The following TASP1 variants were observed in gnomAD, a reference collection of about 807,000 sequenced individuals.
TASP1 encodes threonine aspartase 1.
In TASP1, 16 loss-of-function variants were observed where a neutral mutation model predicts 56.6. That is an observed-to-expected ratio of 0.28 (90% CI 0.19 to 0.43). The LOEUF is 0.43. TASP1 is among the 20% of genes least tolerant of loss of function. TASP1 has a pLI of 1.00. For synonymous variants in TASP1, 179 were observed against 184.2 expected (o/e 0.97, Z 0.23); for missense variants, 393 against 511.6 (o/e 0.77, Z 2.24).
In TASP1 at chr20:13,562,480, T is replaced by G. The variant is rs780153783; in HGVS notation, c.569-3366A>C. Among the ~76,000 whole-genome samples, 45 of 151,664 alleles carry G rather than the reference T, an allele frequency of 3.0e-4. 1 individual carries two copies. Among genetic ancestry groups the G allele is most frequent in the Non-Finnish European group, 4.7e-4 (32 of 67,844 alleles). On this transcript the variant is annotated intron_variant, in intron 7 of 13. Coordinates refer to ENST00000337743, the MANE Select transcript of TASP1 (RefSeq NM_017714.3). ...CCAAAAGTTAGTTCATGGAAAACATTAACAAAATTTAAATCTTTAGCTAGA... is the reference window on the plus strand; with the variant it reads ...CCAAAAGTTAGTTCATGGAAAACATGAACAAAATTTAAATCTTTAGCTAGA...
At chr20:13,324,971 ATTTG>A in the TASP1 span, among the ~76,000 whole-genome samples, 8 of 152,194 alleles carry the variant, frequency 5.3e-5, no homozygotes, top group Non-Finnish European at 7.3e-5. Flanking sequence ...AATAGAAAAT[ATTTG>A]TTTCTTTTCG....
chr20:13,154,905 G>A, the TASP1 span, among the ~76,000 whole-genome samples: 1 of 152,182 alleles, frequency 6.6e-6, no homozygotes. Context: ...AACTGGCAGG[G>A]CACAGTGGCT....
chr20:13,302,882 G>A, the TASP1 span, among the ~76,000 whole-genome samples: 3 of 152,080 alleles, frequency 2.0e-5, no homozygotes, highest in African/African-American at 7.2e-5. Context: ...CTTTCTCTTC[G>A]GACCCAGTTC....
At chr20:13,566,217 G>A (rs948902773) in intron 7 of TASP1, among the ~76,000 whole-genome samples, 5 of 152,120 alleles carry the variant, frequency 3.3e-5, no homozygotes, top group African/African-American at 4.8e-5. Context: ...TTGGTGTTAC[G>A]AGATGAAGAG....
At chr20:13,201,113 G>A in the TASP1 span, among the ~76,000 whole-genome samples, 1 of 152,220 alleles carries the variant, frequency 6.6e-6, no homozygotes, top group East Asian at 1.9e-4. Context: ...ATACTGCAAA[G>A]TGGGATTAGT....
the TASP1 span, among the ~76,000 whole-genome samples, chr20:13,116,779 T>C: frequency 1.3e-5 from 2 of 152,330 alleles, no homozygotes; most frequent in Admixed American, 1.3e-4. Flanking sequence ...CAGCATCTCC[T>C]GGGAGCTTGG....
the TASP1 span, chr20:13,126,731 C>T: frequency 1.2e-6 from 2 of 1,613,576 alleles, no homozygotes; most frequent in Non-Finnish European, 1.7e-6. Flanking sequence ...AGAGGATCTG[C>T]AGAGAGCACA....
intron 1 of TASP1, 56 bp downstream of exon 1, chr20:13,638,837 AG>A (rs1370688626): frequency 6.5e-6 from 1 of 152,864 alleles, no homozygotes; most frequent in Non-Finnish European, 1.5e-5. Context: ...CCACACACAG[AG>A]GCAGCAGCGC....
At position 13,416,883 on chromosome 20, in the gene TASP1, G is replaced by A. The variant is rs115919798; in HGVS notation, c.1170+565C>T. The stretch of plus-strand genomic sequence containing the variant: ...GCCTATGTGATTATTGCAACTCACT[G>A]AGCGACGAGTGCCACAGGCATGTGG... On this transcript the variant is annotated intron_variant, in intron 13 of 13. Coordinates refer to ENST00000337743, the MANE Select transcript of TASP1 (RefSeq NM_017714.3). Among the ~76,000 whole-genome samples, 1,041 of 152,290 alleles carry A rather than the reference G, an allele frequency of 6.8e-3. 17 individuals carry two copies. The highest frequency in any genetic ancestry group is 0.024 in the African/African-American group (997 of 41,546).
intron 4 of TASP1, among the ~76,000 whole-genome samples, chr20:13,599,954 T>G (rs778182866): frequency 8.5e-5 from 13 of 152,098 alleles, no homozygotes; most frequent in South Asian, 2.1e-4. Flanking sequence ...GCTCATAGGA[T>G]ACAAGATCAA....
the TASP1 span, among the ~76,000 whole-genome samples, chr20:13,371,531 A>G: frequency 6.6e-6 from 1 of 152,246 alleles, no homozygotes; most frequent in Non-Finnish European, 1.5e-5. Flanking sequence ...TATGATTTCA[A>G]TCCTTTTAAA....
At chr20:13,155,646 G>C in the TASP1 span, among the ~76,000 whole-genome samples, 1 of 152,058 alleles carries the variant, frequency 6.6e-6, no homozygotes, top group Non-Finnish European at 1.5e-5. Flanking sequence ...CCAACATGGT[G>C]AAACCCCGTG....
chr20:13,234,078 A>C, the TASP1 span, among the ~76,000 whole-genome samples: 139 of 152,228 alleles, frequency 9.1e-4, 2 homozygotes, highest in African/African-American at 3.3e-3. Flanking sequence ...TGAGTAGTGA[A>C]TATTGTACCC....
intron 10 of TASP1, among the ~76,000 whole-genome samples, chr20:13,490,231 G>A (rs958795451): frequency 6.7e-6 from 1 of 149,660 alleles, no homozygotes; most frequent in Non-Finnish European, 1.5e-5. Context: ...ACAGAATTTC[G>A]TTTTAGTTCA....
At chr20:13,174,814 G>A in the TASP1 span, among the ~76,000 whole-genome samples, 3 of 152,026 alleles carry the variant, frequency 2.0e-5, no homozygotes, top group Non-Finnish European at 4.4e-5. Flanking sequence ...GTTTGGCTGT[G>A]TCCCTACCCA....
chr20:13,551,446 A>G (rs2045979945), intron 8 of TASP1, among the ~76,000 whole-genome samples: 1 of 152,196 alleles, frequency 6.6e-6, no homozygotes, highest in African/African-American at 2.4e-5. Context: ...TTTCAACAAT[A>G]TGCTTGTGAA....
chr20:13,260,007 C>T, the TASP1 span, among the ~76,000 whole-genome samples: 2 of 152,312 alleles, frequency 1.3e-5, no homozygotes, highest in East Asian at 3.9e-4. Flanking sequence ...GAGCTAACAG[C>T]CCAGCTTCCT....
chr20:13,331,300 G>A, the TASP1 span, among the ~76,000 whole-genome samples: 5 of 152,028 alleles, frequency 3.3e-5, no homozygotes, highest in Non-Finnish European at 5.9e-5. Context: ...GACATTTTAC[G>A]TAAGTCTCAG....
chr20:13,614,358 A>T (rs1487351061), intron 4 of TASP1, among the ~76,000 whole-genome samples: 2 of 151,996 alleles, frequency 1.3e-5, no homozygotes, highest in Non-Finnish European at 2.9e-5. Flanking sequence ...ACAACAACAT[A>T]CGTAGTAGAA....
Sources: gnomAD v4.1 joint callset for allele counts (sites outside exome capture counted in the v4.1 genomes callset) on GRCh38, gnomAD v4.1.1 for gene constraint, MANE v1.5 for transcripts, NCBI Gene and HGNC (gene_info 2026-07-23, HGNC 2026-07-21) for gene names.